RIN2: variants seen among roughly 807,000 people sequenced by gnomAD.
RIN2 encodes RAB5 interacting protein 2.
In RIN2, 36 loss-of-function variants were observed where a neutral mutation model predicts 78.0. That is an observed-to-expected ratio of 0.46 (90% CI 0.35 to 0.61). The LOEUF is 0.61. Ranked by LOEUF, RIN2 falls within the 20% of genes least tolerant of loss-of-function variation. The pLI is 0.00. For missense variants in RIN2, 1,087 were observed against 1,159.7 expected (o/e 0.94, Z 0.91); for synonymous variants, 466 against 466.8 (o/e 1.00, Z 0.02).
chr20:19,795,084 A>C (rs1462564449), intron 1 of RIN2, among the ~76,000 whole-genome samples: 5 of 152,224 alleles, frequency 3.3e-5, no homozygotes, highest in Non-Finnish European at 7.3e-5. Flanking sequence ...TTTGCTGAGG[A>C]AATGCTCTTG....
chr20:19,789,656 G>T (rs2034826503), intron 1 of RIN2, among the ~76,000 whole-genome samples: 1 of 152,122 alleles, frequency 6.6e-6, no homozygotes, highest in South Asian at 2.1e-4. Context: ...GTTCCAATCT[G>T]CCTCCTCCCA....
chr20:19,868,748 G>A (rs1201050315), intron 2 of RIN2, among the ~76,000 whole-genome samples: 2 of 152,112 alleles, frequency 1.3e-5, no homozygotes, highest in African/African-American at 4.8e-5. Flanking sequence ...AGGGAAGCTA[G>A]CACAGAGATG....
At chr20:19,896,315 A>G (rs1166235892) in intron 3 of RIN2, among the ~76,000 whole-genome samples, 3 of 152,096 alleles carry the variant, frequency 2.0e-5, no homozygotes, top group African/African-American at 7.2e-5. Flanking sequence ...CAGCCTCCCA[A>G]GTAGCTGGGA....
rs746682975 is a variant in RIN2 at position 19,956,616 on chromosome 20, A to G, written c.160A>G (p.Met54Val). The change falls in exon 5 of 13, where the codon ATG becomes GTG. Residue 54 changes from methionine (M) to valine (V), a missense_variant and splice_region_variant. Transcript: ENST00000255006. ...NGLEPAETHS[M>V]VRHKDGGYSE... Reference sequence around the variant, plus strand: ...CCGTGCCGCTTCTCTTTCTCCTAGCATGGTAAGACACAAGGATGGTGGCTA... The same window carrying G: ...CCGTGCCGCTTCTCTTTCTCCTAGCGTGGTAAGACACAAGGATGGTGGCTA... 42 of 1,612,886 alleles carry G rather than the reference A, an allele frequency of 2.6e-5. No individual in the cohort carries two copies. The highest frequency in any genetic ancestry group is 3.3e-5 in the Non-Finnish European group (39 of 1,179,516).
At chr20:19,980,986 CCT>C (rs1394051224) in intron 9 of RIN2, among the ~76,000 whole-genome samples, 1 of 152,220 alleles carries the variant, frequency 6.6e-6, no homozygotes, top group Non-Finnish European at 1.5e-5. Flanking sequence ...TAAATGCATC[CCT>C]GTTTTTAAAA....
At chr20:19,911,527 CAGTA>C (rs1003497744) in intron 3 of RIN2, among the ~76,000 whole-genome samples, 2 of 152,196 alleles carry the variant, frequency 1.3e-5, no homozygotes, top group African/African-American at 2.4e-5. Context: ...CTTGCACAAA[CAGTA>C]AGTAAAAGAC....
intron 6 of RIN2, among the ~76,000 whole-genome samples, chr20:19,963,408 G>C (rs1248657594): frequency 6.6e-6 from 1 of 152,146 alleles, no homozygotes; most frequent in Non-Finnish European, 1.5e-5. Context: ...GAGGTCAGCA[G>C]TTCGAGACCA....
intron 2 of RIN2, among the ~76,000 whole-genome samples, chr20:19,883,226 AG>A (rs2038079883): frequency 6.6e-6 from 1 of 152,090 alleles, no homozygotes; most frequent in African/African-American, 2.4e-5. Flanking sequence ...GGATGCCTGC[AG>A]GGGTGGCGAA....
At chr20:19,969,736 T>G (rs1290231504) in intron 7 of RIN2, among the ~76,000 whole-genome samples, 1 of 151,938 alleles carries the variant, frequency 6.6e-6, no homozygotes, top group Admixed American at 6.6e-5. Context: ...GAATAATTAT[T>G]TCTTTGTAAG....
chr20:19,953,836 T>C (rs2041423222), intron 4 of RIN2, among the ~76,000 whole-genome samples: 1 of 151,736 alleles, frequency 6.6e-6, no homozygotes, highest in Non-Finnish European at 1.5e-5. Flanking sequence ...CTTTGAAGAG[T>C]ATGTTTTTTT....
chr20:19,798,330 A>T (rs747734660), intron 1 of RIN2, among the ~76,000 whole-genome samples: 4 of 152,054 alleles, frequency 2.6e-5, no homozygotes, highest in Non-Finnish European at 4.4e-5. Flanking sequence ...GAGGAGAGGG[A>T]CAGGGAGGAT....
intron 6 of RIN2, among the ~76,000 whole-genome samples, chr20:19,962,630 C>A (rs1219231070): frequency 6.6e-6 from 1 of 152,222 alleles, no homozygotes; most frequent in Non-Finnish European, 1.5e-5. Flanking sequence ...GCCTGGGTCC[C>A]ACTGCAATGG....
intron 9 of RIN2, among the ~76,000 whole-genome samples, chr20:19,982,859 G>C (rs951940816): frequency 6.6e-6 from 1 of 152,190 alleles, no homozygotes; most frequent in Non-Finnish European, 1.5e-5. Flanking sequence ...TAACCCAGCT[G>C]CCTCTTCTCC....
chr20:19,893,797 C>A (rs758072251), intron 3 of RIN2, among the ~76,000 whole-genome samples: 1 of 152,140 alleles, frequency 6.6e-6, no homozygotes, highest in Non-Finnish European at 1.5e-5. Flanking sequence ...CAGAGCCGGG[C>A]GCCATGGCTC....
At position 19,829,756 on chromosome 20, in the gene RIN2, G is replaced by C. The variant is rs556844619; in HGVS notation, c.-37+30009G>C. On this transcript the variant is annotated intron_variant, in intron 2 of 12. Transcript: ENST00000255006. ...TGGCCCACCAGAATCAGCCCACCAAGGGGTTGGCCACTACGGAAGGGGTCA... is the reference window on the plus strand; with the variant it reads ...TGGCCCACCAGAATCAGCCCACCAACGGGTTGGCCACTACGGAAGGGGTCA... 1.3e-4 allele frequency among the ~76,000 whole-genome samples: 20 copies of C among 152,332 alleles called. 1 individual carries two copies. In the South Asian group the frequency reaches 4.1e-3, roughly 32 times the overall value.
intron 3 of RIN2, among the ~76,000 whole-genome samples, chr20:19,900,644 AAAAC>A (rs975355741): frequency 8.7e-6 from 1 of 115,108 alleles, no homozygotes; most frequent in African/African-American, 4.4e-5. Context: ...AAAAAAAGAA[AAAAC>A]AAAAACAACA....
intron 3 of RIN2, among the ~76,000 whole-genome samples, chr20:19,901,211 C>T (rs1038123662): frequency 6.6e-6 from 1 of 152,178 alleles, no homozygotes; most frequent in Non-Finnish European, 1.5e-5. Context: ...TGGATTGTAA[C>T]TGTCTGTTGG....
Position 19,850,650 on chromosome 20 carries a change from C to T in RIN2, c.-36-38916C>T, listed in dbSNP as rs148756033. Among the ~76,000 whole-genome samples, 803 of 152,260 alleles carry T rather than the reference C, an allele frequency of 5.3e-3. 3 individuals are homozygous for T. The highest frequency in any genetic ancestry group is 9.6e-3 in the Non-Finnish European group (651 of 68,014). ...ATTTGGTTTTAAAACCAGTTTTAAA[C>T]GGATGCACATTGTGGTTAGAAATGG... On this transcript the variant is annotated intron_variant, in intron 2 of 12. Transcript: ENST00000255006.
At chr20:19,852,146 G>A (rs1455145106) in intron 2 of RIN2, among the ~76,000 whole-genome samples, 2 of 152,214 alleles carry the variant, frequency 1.3e-5, no homozygotes, top group Non-Finnish European at 2.9e-5. Flanking sequence ...TGCAGGTCAT[G>A]CCGTGAAACC....
Sources: allele counts gnomAD v4.1 joint callset (sites outside exome capture counted in the v4.1 genomes callset), GRCh38; gene constraint gnomAD v4.1.1; transcripts MANE v1.5; gene names NCBI Gene and HGNC (gene_info 2026-07-23, HGNC 2026-07-21).